CCT8: variants seen among roughly 807,000 people sequenced by gnomAD.
The protein encoded by CCT8 is chaperonin containing TCP1 subunit 8, also known as T-complex protein 1 subunit theta.
A neutral mutation model predicts 65.7 loss-of-function variants in CCT8; 10 were observed. That is an observed-to-expected ratio of 0.15 (90% confidence interval 0.09 to 0.26). The LOEUF (loss-of-function observed/expected upper bound fraction) is 0.26, where lower values mean the gene tolerates loss of function less well. Ranked by LOEUF, CCT8 falls within the 10% of genes least tolerant of loss-of-function variation. The probability of loss-of-function intolerance (pLI) is 1.00; values close to 1 mark genes in which losing one functional copy is unlikely to be tolerated. For synonymous variants in CCT8, 199 were observed against 221.8 expected, an observed-to-expected ratio of 0.90 and a Z score of 0.92; for missense variants, 568 against 669.1, an observed-to-expected ratio of 0.85 and a Z score of 1.67.
At chr21:29,072,687 A>G (rs2085695294) in intron 1 of CCT8, among the ~76,000 whole-genome samples, 1 of 152,210 alleles carries the variant, frequency 6.6e-6, no homozygotes, top group African/African-American at 2.4e-5. Context: ...ACACTGATCT[A>G]TTTCTTGAAT....
Position 29,056,447 on chromosome 21 carries a change from T to G in CCT8, c.*28A>C. The G allele has an allele frequency of 7.6e-7, 1 of 1,317,952 alleles. No homozygotes were observed. The highest frequency in any genetic ancestry group is 1.5e-5 in the African/African-American group (1 of 67,534). 81.6% of individuals were successfully genotyped at this position (1,317,952 alleles called of 1,614,324 possible). A position where few individuals can be genotyped will look rare whatever the true frequency, so the allele number is the denominator to read the frequency against. On this transcript the variant is annotated 3_prime_UTR_variant, in exon 15 of 15. Coordinates refer to ENST00000286788, the MANE Select transcript of CCT8 (RefSeq NM_006585.4). Reference sequence around the variant, plus strand: ...CTTGAGTACTACTACAAATACAGCCTTCACCTACAGTAAAAATTAAGCCAA... The same window carrying G: ...CTTGAGTACTACTACAAATACAGCCGTCACCTACAGTAAAAATTAAGCCAA...
intron 14 of CCT8, chr21:29,060,079 A>G (rs1206115592): frequency 1.6e-5 from 2 of 127,722 alleles, no homozygotes; most frequent in Admixed American, 8.0e-5. Flanking sequence ...GTCTACCACA[A>G]TTCTTCAAAA....
Position 29,062,575 on chromosome 21 carries a change from C to A in CCT8, c.942-19G>T. The A allele has an allele frequency of 1.9e-6, 3 of 1,602,308 alleles. No homozygotes were observed. Among genetic ancestry groups the A allele is most frequent in the Non-Finnish European group, 2.6e-6 (3 of 1,171,624 alleles). On this transcript the variant is annotated intron_variant, in intron 8 of 14. Transcript: ENST00000286788. ...GTTTAGCCTTTAAAAAACACAAAGACCTTAATAAAAGTTTTAATCAATTTC... is the reference window on the plus strand; with the variant it reads ...GTTTAGCCTTTAAAAAACACAAAGAACTTAATAAAAGTTTTAATCAATTTC...
intron 1 of CCT8, among the ~76,000 whole-genome samples, chr21:29,070,806 T>A (rs1006157435): frequency 1.3e-5 from 2 of 152,212 alleles, no homozygotes; most frequent in East Asian, 3.8e-4. Context: ...GTACTTCAAG[T>A]AGAATACCTT....
intron 1 of CCT8, among the ~76,000 whole-genome samples, chr21:29,071,560 T>C (rs895095484): frequency 6.6e-6 from 1 of 151,260 alleles, no homozygotes; most frequent in Non-Finnish European, 1.5e-5. Flanking sequence ...ACCAGGTTGG[T>C]TTTTTTTGTA....
intron 13 of CCT8, 59 bp from the exon 14 acceptor site, chr21:29,060,719 C>G (rs1416982892): frequency 6.3e-7 from 1 of 1,587,734 alleles, no homozygotes; most frequent in Admixed American, 1.7e-5. Context: ...AATGTTTACA[C>G]CCACAAAAAG....
At chr21:29,064,409 T>TAAAAAAAAAAAAAA (rs34760776) in intron 7 of CCT8, among the ~76,000 whole-genome samples, 18 of 26,720 alleles carry the variant, frequency 6.7e-4, no homozygotes, top group African/African-American at 1.4e-3. Flanking sequence ...AGCAAGACTC[T>TAAAAAAAAAAAAAA]AAAAAAAAAA....
chr21:29,068,181 TATAAC>T (rs2085644483), intron 3 of CCT8, among the ~76,000 whole-genome samples: 1 of 152,214 alleles, frequency 6.6e-6, no homozygotes, highest in African/African-American at 2.4e-5. Flanking sequence ...TTTCTTCAAA[TATAAC>T]ATAATTTTAT....
At chr21:29,071,925 C>T (rs542641731) in intron 1 of CCT8, 2 of 702,340 alleles carry the variant, frequency 2.8e-6, no homozygotes, top group East Asian at 2.7e-5. Flanking sequence ...TATCCCGGCC[C>T]TTGTATGGCT....
At chr21:29,072,819 C>T (rs147465170) in intron 1 of CCT8, among the ~76,000 whole-genome samples, 1 of 152,280 alleles carries the variant, frequency 6.6e-6, no homozygotes, top group Non-Finnish European at 1.5e-5. Context: ...AAGAAAAGGC[C>T]ATTAAACAAA....
intron 3 of CCT8, among the ~76,000 whole-genome samples, chr21:29,068,921 T>C (rs1308369619): frequency 1.3e-5 from 2 of 152,242 alleles, no homozygotes; most frequent in African/African-American, 4.8e-5. Flanking sequence ...GAATGAGGAA[T>C]GGCTCTCTCT....
At chr21:29,070,040 A>T (rs940684153) in intron 2 of CCT8, among the ~76,000 whole-genome samples, 1 of 152,178 alleles carries the variant, frequency 6.6e-6, no homozygotes, top group African/African-American at 2.4e-5. Flanking sequence ...TCAACAGGAT[A>T]AAAAGTAATA....
At chr21:29,057,756 TG>T (rs1211276289) in intron 14 of CCT8, among the ~76,000 whole-genome samples, 66 of 92,108 alleles carry the variant, frequency 7.2e-4, no homozygotes, top group African/African-American at 2.1e-3. Context: ...TGTATATGTA[TG>T]ATATGAGATA....
At chr21:29,056,641 A>G (rs764569340) in intron 14 of CCT8, 89 bp from the exon 15 acceptor site, 19 of 771,578 alleles carry the variant, frequency 2.5e-5, no homozygotes, top group Non-Finnish European at 3.7e-5. Flanking sequence ...TTTAAGATTA[A>G]GCAGTCTTCT....
chr21:29,062,078 T>C (rs1002002987), intron 11 of CCT8, 50 bp downstream of exon 11: 4 of 1,233,776 alleles, frequency 3.2e-6, no homozygotes, highest in African/African-American at 3.0e-5. Flanking sequence ...TTTAAGACCA[T>C]ACAAATTACT....
chr21:29,067,046 C>T lies in CCT8; in HGVS notation c.407G>A (p.Cys136Tyr), dbSNP rs762671489. 31 of 1,611,184 alleles carry T rather than the reference C, an allele frequency of 1.9e-5. No homozygotes were observed. In the South Asian group the frequency reaches 2.5e-4, roughly 13 times the overall value. ...SEVIEGYEIA[C>Y]RKAHEILPNL... ...AGGAAGAATCTCATGAGCTTTTCTG[C>T]AGGCTATTTCATAACCTTCTATGAC... Residue 136 changes from cysteine (C) to tyrosine (Y), a missense_variant, in exon 5 of 15, where the codon TGC becomes TAC. Coordinates refer to ENST00000286788, the MANE Select transcript of CCT8 (RefSeq NM_006585.4).
At chr21:29,064,800 G>A (rs977813563) in intron 7 of CCT8, among the ~76,000 whole-genome samples, 168 bp downstream of exon 7, 7 of 152,084 alleles carry the variant, frequency 4.6e-5, no homozygotes, top group Non-Finnish European at 7.4e-5. Flanking sequence ...CCAGTTTAAT[G>A]TTCAGTAGTT....
At chr21:29,073,307 G>A in intron 1 of CCT8, 1 of 1,406,902 alleles carries the variant, frequency 7.1e-7, no homozygotes, top group East Asian at 2.6e-5. Context: ...TGTCGATCGT[G>A]CCGCCGATCC....
intron 3 of CCT8, among the ~76,000 whole-genome samples, chr21:29,068,908 C>A (rs1450840690): frequency 6.6e-6 from 1 of 152,148 alleles, no homozygotes; most frequent in Admixed American, 6.5e-5. Context: ...AATTACAAGG[C>A]GGGAATGAGG....
Sources: allele counts gnomAD v4.1 joint callset (sites outside exome capture counted in the v4.1 genomes callset), GRCh38; gene constraint gnomAD v4.1.1; transcripts MANE v1.5; gene names NCBI Gene and HGNC (gene_info 2026-07-23, HGNC 2026-07-21).